ELP1: variants seen among roughly 807,000 people sequenced by gnomAD.
ELP1 encodes elongator complex protein 1.
Under a neutral mutation model 183.2 loss-of-function variants are expected in ELP1, and 131 were observed. That is an observed-to-expected ratio of 0.72 (90% confidence interval 0.62 to 0.83). ELP1 has a LOEUF of 0.83. Ranked by LOEUF, ELP1 falls within the 40% of genes least tolerant of loss-of-function variation. ELP1 has a pLI of 0.00. For synonymous variants in ELP1, 555 were observed against 569.0 expected, an observed-to-expected ratio of 0.98 and a Z score of 0.35; for missense variants, 1,550 against 1,594.9, an observed-to-expected ratio of 0.97 and a Z score of 0.48.
At chr9:108,878,580 T>C in intron 34 of ELP1, 43 bp downstream of exon 34, 5 of 1,613,488 alleles carry the variant, frequency 3.1e-6, no homozygotes, top group Non-Finnish European at 4.2e-6. Context: ...GCCTATTCAC[T>C]ATTGTTTGTG....
chr9:108,927,513 T>A (rs900138498), intron 3 of ELP1, 60 bp from the exon 4 acceptor site: 16 of 1,279,346 alleles, frequency 1.3e-5, no homozygotes, highest in Non-Finnish European at 1.6e-5. Flanking sequence ...AAAAACTGAC[T>A]GCAACTTCAA....
rs1045792555 is a variant in ELP1, at chr9:108,931,215, A to C, written c.-55-14T>G. The C allele has an allele frequency of 7.1e-7, 1 of 1,403,962 alleles. No homozygotes were observed. Among genetic ancestry groups the C allele is most frequent in the African/African-American group, 1.4e-5 (1 of 70,718 alleles). 87.0% of individuals were successfully genotyped at this position (1,403,962 alleles called of 1,614,324 possible). On this transcript the variant is annotated splice_polypyrimidine_tract_variant and intron_variant, in intron 1 of 36. Coordinates refer to ENST00000374647, the MANE Select transcript of ELP1 (RefSeq NM_003640.5). ...AATCATTAATCTCTAAGAGAAAAAT[A>C]AATAGCTTAATAGTGATAAATGACC... is the stretch of plus-strand genomic sequence containing the variant.
intron 35 of ELP1, chr9:108,875,537 G>C (rs529422353): frequency 3.8e-6 from 1 of 261,472 alleles, no homozygotes; most frequent in Admixed American, 5.1e-5. Flanking sequence ...AGTCACTCAC[G>C]GTATCCTGCA....
intron 25 of ELP1, 34 bp from the exon 26 acceptor site, chr9:108,894,100 G>T (rs1259033881): frequency 5.5e-6 from 7 of 1,281,908 alleles, no homozygotes; most frequent in Non-Finnish European, 7.8e-6. Context: ...TTTATTACTT[G>T]TGATATTCAT....
chr9:108,880,426 G>A (rs931474630), intron 31 of ELP1, among the ~76,000 whole-genome samples: 6 of 150,012 alleles, frequency 4.0e-5, no homozygotes, highest in Non-Finnish European at 8.9e-5. Context: ...GATACCTAAA[G>A]CAAGGGAGGA....
intron 25 of ELP1, among the ~76,000 whole-genome samples, chr9:108,895,367 G>A (rs1017445362): frequency 2.0e-5 from 3 of 152,218 alleles, no homozygotes; most frequent in African/African-American, 7.2e-5. Flanking sequence ...TTACTGGGAA[G>A]AGGCCACCTT....
intron 28 of ELP1, among the ~76,000 whole-genome samples, chr9:108,890,730 G>A (rs571879898): frequency 6.6e-6 from 1 of 152,306 alleles, no homozygotes; most frequent in East Asian, 1.9e-4. Context: ...ATAACAGAAT[G>A]GACCCATCCA....
intron 6 of ELP1, among the ~76,000 whole-genome samples, chr9:108,922,111 G>A (rs1291402460): frequency 6.6e-6 from 1 of 152,202 alleles, no homozygotes; most frequent in Non-Finnish European, 1.5e-5. Flanking sequence ...ACTTGGTAGT[G>A]TGCCAGAGGG....
rs1827332940 is a variant in ELP1, at chr9:108,868,942, T to C, written c.*173A>G. The C allele has an allele frequency of 2.9e-6, 2 of 684,238 alleles. No individual in the cohort carries two copies. Among genetic ancestry groups the C allele is most frequent in the African/African-American group, 1.8e-5 (1 of 56,496 alleles). The allele number at this position is 684,238 out of a possible 1,614,324, so 42.4% of individuals were successfully genotyped here. Reference sequence around the variant, plus strand: ...TAATGATCAAGATGTATACACAACATAAAATAAATAGAATTGCTTGTTGTC... The same window carrying C: ...TAATGATCAAGATGTATACACAACACAAAATAAATAGAATTGCTTGTTGTC... On this transcript the variant is annotated 3_prime_UTR_variant, in exon 37 of 37. Coordinates refer to ENST00000374647, the MANE Select transcript of ELP1 (RefSeq NM_003640.5).
At chr9:108,916,921 C>A (rs1216445125) in intron 9 of ELP1, among the ~76,000 whole-genome samples, 1 of 152,110 alleles carries the variant, frequency 6.6e-6, no homozygotes, top group African/African-American at 2.4e-5. Context: ...GTATACAAAC[C>A]ACTTAAGATT....
intron 36 of ELP1, among the ~76,000 whole-genome samples, chr9:108,869,403 A>G (rs912044264): frequency 1.3e-5 from 2 of 152,148 alleles, no homozygotes; most frequent in African/African-American, 4.8e-5. Context: ...AACCTCAGGC[A>G]TGCTCACCCA....
chr9:108,917,834 C>T (rs1015140158), intron 8 of ELP1, among the ~76,000 whole-genome samples, 164 bp from the exon 9 acceptor site: 1 of 152,130 alleles, frequency 6.6e-6, no homozygotes, highest in Non-Finnish European at 1.5e-5. Context: ...CCTTGTCTCT[C>T]GGCGAGCGGT....
At chr9:108,922,951 C>T (rs1293083719) in intron 5 of ELP1, 24 bp from the exon 6 acceptor site, 1 of 1,527,472 alleles carries the variant, frequency 6.5e-7, no homozygotes, top group East Asian at 2.2e-5. Context: ...GGCAAGACAA[C>T]TAATAAGCCA....
chr9:108,921,431 T>C (rs1174492753), intron 6 of ELP1, among the ~76,000 whole-genome samples: 1 of 152,228 alleles, frequency 6.6e-6, no homozygotes, highest in Non-Finnish European at 1.5e-5. Context: ...ATAACATGTA[T>C]GAGTAAAGTG....
Position 108,908,359 on chromosome 9 carries a change from C to A in ELP1, c.1406G>T (p.Gly469Val), listed in dbSNP as rs541458884. ...AAGGCAAACTTTAAATCCACTTCCA[C>A]CCACAGCTCCCAGTTTCACTGTAGG... ...ADPTVKLGAV[G>V]GSGFKVCLRT... The change falls in exon 13 of 37, where the codon GGT becomes GTT. Residue 469 changes from glycine to valine, a missense_variant. By Grantham distance (109) the Gly-to-Val change is moderately radical. Coordinates refer to ENST00000374647, the MANE Select transcript of ELP1 (RefSeq NM_003640.5). 6.2e-7 allele frequency: 1 copy of A among 1,614,148 alleles called. No individual in the cohort carries two copies. The highest frequency in any genetic ancestry group is 1.1e-5 in the South Asian group (1 of 91,078).
At chr9:108,896,156 C>A (rs1001097391) in intron 25 of ELP1, among the ~76,000 whole-genome samples, 3 of 152,108 alleles carry the variant, frequency 2.0e-5, no homozygotes, top group African/African-American at 7.2e-5. Flanking sequence ...ACTAGAGAGG[C>A]TGAGGCAGGA....
At chr9:108,894,958 A>G (rs924362236) in intron 25 of ELP1, among the ~76,000 whole-genome samples, 14 of 152,214 alleles carry the variant, frequency 9.2e-5, no homozygotes, top group African/African-American at 3.1e-4. Flanking sequence ...CAACATAGGA[A>G]GAAAACCCAA....
At chr9:108,916,581 T>C (rs1210325261) in intron 9 of ELP1, among the ~76,000 whole-genome samples, 1 of 152,148 alleles carries the variant, frequency 6.6e-6, no homozygotes, top group Non-Finnish European at 1.5e-5. Context: ...GAAACTGGAA[T>C]ATGGACTGGG....
Position 108,922,323 on chromosome 9 carries a change from G to C in ELP1, c.552+519C>G, listed in dbSNP as rs2151425. Among the ~76,000 whole-genome samples the C allele has an allele frequency of 6.8e-4, 104 of 152,288 alleles. 3 individuals are homozygous for C. The South Asian group carries it at 0.021, about 31-fold the overall frequency. ...TGTCCACACACCTCTGCCTTCAGGGGCCGCCCCGCCTACATTAGAAGATTA... is the reference window on the plus strand; with the variant it reads ...TGTCCACACACCTCTGCCTTCAGGGCCCGCCCCGCCTACATTAGAAGATTA... On this transcript the variant is annotated intron_variant, in intron 6 of 36. Coordinates refer to ENST00000374647, the MANE Select transcript of ELP1 (RefSeq NM_003640.5).
Sources: allele counts gnomAD v4.1 joint callset (sites outside exome capture counted in the v4.1 genomes callset), GRCh38; gene constraint gnomAD v4.1.1; transcripts MANE v1.5; gene names NCBI Gene and HGNC (gene_info 2026-07-23, HGNC 2026-07-21).